METTL15: variants seen among roughly 807,000 people sequenced by gnomAD.
METTL15 encodes the protein methyltransferase 15, mitochondrial 12S rRNA N4-cytidine.
METTL15 carries 34 observed loss-of-function variants against 38.3 expected under a neutral mutation model. That is an observed-to-expected ratio of 0.89 (90% CI 0.68 to 1.18). METTL15 has a LOEUF of 1.18. Among genes scored for constraint, METTL15 ranks in the 50% most tolerant of loss-of-function variants. The pLI, the probability that METTL15 is intolerant of heterozygous loss-of-function variation, is 0.00. For missense variants in METTL15, 438 were observed against 498.4 expected (o/e 0.88, Z 1.15); for synonymous variants, 162 against 170.9 (o/e 0.95, Z 0.41).
chr11:28,376,715 G>T (rs942577438), intron 5 of METTL15, among the ~76,000 whole-genome samples: 1 of 150,080 alleles, frequency 6.7e-6, no homozygotes, highest in African/African-American at 2.5e-5. Context: ...ATGTTAGCTG[G>T]TTATTTTGCT....
intron 6 of METTL15, among the ~76,000 whole-genome samples, chr11:28,497,334 T>A (rs913917538): frequency 6.6e-6 from 1 of 152,228 alleles, no homozygotes; most frequent in Non-Finnish European, 1.5e-5. Flanking sequence ...GCATGGAAAC[T>A]GTAATACAAG....
chr11:28,518,332 G>T (rs1851736443), intron 6 of METTL15, among the ~76,000 whole-genome samples: 2 of 152,166 alleles, frequency 1.3e-5, no homozygotes, highest in Non-Finnish European at 2.9e-5. Flanking sequence ...TATTTATGGA[G>T]CAGCCCTTAA....
chr11:28,506,865 C>T (rs193125693), intron 6 of METTL15, among the ~76,000 whole-genome samples: 1 of 151,632 alleles, frequency 6.6e-6, no homozygotes, highest in East Asian at 1.9e-4. Context: ...CCACCTCAGC[C>T]TCTCAAGTAG....
intron 3 of METTL15, among the ~76,000 whole-genome samples, 195 bp from the exon 4 acceptor site, chr11:28,210,867 T>G (rs981967703): frequency 2.6e-5 from 4 of 151,994 alleles, no homozygotes; most frequent in Non-Finnish European, 4.4e-5. Flanking sequence ...GTCTGATCAG[T>G]TCTTTTAGAC....
intron 6 of METTL15, among the ~76,000 whole-genome samples, chr11:28,478,185 G>C (rs908620607): frequency 6.6e-6 from 1 of 152,150 alleles, no homozygotes; most frequent in Non-Finnish European, 1.5e-5. Context: ...GGAACCTCTA[G>C]TTATTAAATA....
intron 3 of METTL15, among the ~76,000 whole-genome samples, chr11:28,346,570 C>G (rs1012477074): frequency 1.1e-4 from 17 of 152,076 alleles, no homozygotes; most frequent in African/African-American, 4.1e-4. Context: ...TAAACTAAAG[C>G]AACTTGAAAT....
intron 4 of METTL15, among the ~76,000 whole-genome samples, chr11:28,280,148 T>C (rs2133971987): frequency 6.6e-6 from 1 of 152,294 alleles, no homozygotes; most frequent in Non-Finnish European, 1.5e-5. Context: ...TTGCTTTTTT[T>C]CCCATTTTTT....
At chr11:28,253,546 A>G (rs916006142) in intron 4 of METTL15, among the ~76,000 whole-genome samples, 1 of 152,158 alleles carries the variant, frequency 6.6e-6, no homozygotes, top group Admixed American at 6.5e-5. Flanking sequence ...TCTAGGTCTT[A>G]TTAACTCTTT....
At chr11:28,527,352 T>C (rs1851819353), downstream of METTL15, among the ~76,000 whole-genome samples, 1 of 152,262 alleles carries the variant, frequency 6.6e-6, no homozygotes, top group South Asian at 2.1e-4. Flanking sequence ...TTTGTTATCT[T>C]GGGTTAGCTA....
At chr11:28,442,796 T>G (rs929746198) in intron 6 of METTL15, among the ~76,000 whole-genome samples, 1 of 152,210 alleles carries the variant, frequency 6.6e-6, no homozygotes, top group Non-Finnish European at 1.5e-5. Context: ...GAAAAAATAA[T>G]ATCCTGCTAA....
At chr11:28,194,787 C>G (rs145503690) in intron 3 of METTL15, among the ~76,000 whole-genome samples, 3 of 151,678 alleles carry the variant, frequency 2.0e-5, no homozygotes, top group Admixed American at 6.6e-5. Flanking sequence ...TTTAGTGTAC[C>G]TATCACTTGG....
chr11:28,313,604 C>T (rs1048440221), intron 6 of METTL15, among the ~76,000 whole-genome samples: 2 of 151,248 alleles, frequency 1.3e-5, no homozygotes, highest in East Asian at 1.9e-4. Flanking sequence ...AATATGCTAT[C>T]GCATGTTAAT....
At chr11:28,380,744 G>T (rs1049173666) in intron 5 of METTL15, among the ~76,000 whole-genome samples, 1 of 152,024 alleles carries the variant, frequency 6.6e-6, no homozygotes, top group Non-Finnish European at 1.5e-5. Flanking sequence ...AGATTAAAAA[G>T]AATGGAAATA....
chr11:28,439,199 T>C (rs1434033661), intron 6 of METTL15, among the ~76,000 whole-genome samples: 1 of 152,138 alleles, frequency 6.6e-6, no homozygotes, highest in African/African-American at 2.4e-5. Flanking sequence ...GAGGGAACAA[T>C]TGAAGTCCTA....
At chr11:28,381,548 C>A (rs1384888361) in intron 5 of METTL15, among the ~76,000 whole-genome samples, 7 of 151,918 alleles carry the variant, frequency 4.6e-5, no homozygotes, top group Admixed American at 1.3e-4. Flanking sequence ...TCTTCTTTTT[C>A]ATTCTTTTTT....
chr11:28,141,034 C>T (rs1468893984), intron 3 of METTL15, among the ~76,000 whole-genome samples: 1 of 152,138 alleles, frequency 6.6e-6, no homozygotes, highest in East Asian at 1.9e-4. Context: ...AGTTAATATG[C>T]TGAGAACAGC....
intron 6 of METTL15, among the ~76,000 whole-genome samples, chr11:28,505,940 G>A (rs951373290): frequency 6.6e-6 from 1 of 152,170 alleles, no homozygotes; most frequent in African/African-American, 2.4e-5. Flanking sequence ...GTTCCCAGCT[G>A]TAAAGGCAAG....
At chr11:28,513,766 A>G (rs960208593) in intron 6 of METTL15, among the ~76,000 whole-genome samples, 1 of 152,258 alleles carries the variant, frequency 6.6e-6, no homozygotes, top group African/African-American at 2.4e-5. Flanking sequence ...AGTTATCTGC[A>G]GTAGGAACAT....
In METTL15 at chr11:28,199,556, C is replaced by A. The variant is rs564159852; in HGVS notation, c.271-11506C>A. Among the ~76,000 whole-genome samples, 6 of 152,038 alleles carry A rather than the reference C, an allele frequency of 3.9e-5. No individual in the cohort carries two copies. In the South Asian group the frequency reaches 1.0e-3, roughly 26 times the overall value. ...CTGGAGTAAGAATTTGCTTCTTGGC[C>A]AGTACAACACTAATTGAGAGGTGGC... On this transcript the variant is annotated intron_variant, in intron 3 of 6. Transcript: ENST00000407364.
Sources: allele counts gnomAD v4.1 joint callset (sites outside exome capture counted in the v4.1 genomes callset), GRCh38; gene constraint gnomAD v4.1.1; transcripts MANE v1.5; gene names NCBI Gene and HGNC (gene_info 2026-07-23, HGNC 2026-07-21).